Variants in PCYT1B observed in about 807,000 individuals in gnomAD.
PCYT1B encodes the protein phosphate cytidylyltransferase 1B, choline.
Under a neutral mutation model 26.4 loss-of-function variants are expected in PCYT1B, and 10 were observed. The ratio of observed to expected loss-of-function variants is 0.38; its 90% CI spans 0.23 to 0.64. PCYT1B has a LOEUF of 0.64. Ranked by LOEUF, PCYT1B falls within the 30% of genes least tolerant of loss-of-function variation. The probability of loss-of-function intolerance (pLI) is 0.56; values close to 1 mark genes in which losing one functional copy is unlikely to be tolerated. For missense variants in PCYT1B, 161 were observed against 292.7 expected (o/e 0.55, Z 3.28); for synonymous variants, 131 against 108.4 (o/e 1.21, Z -1.29).
At chrX:24,562,689 T>C (rs1923470407) in intron 7 of PCYT1B, among the ~76,000 whole-genome samples, 184 bp from the exon 8 acceptor site, 1 of 108,883 alleles carries the variant, frequency 9.2e-6, no homozygotes, top group Non-Finnish European at 1.9e-5. Context: ...TATTCAGGGG[T>C]AGTGACAGAA....
rs189922073 is a variant in PCYT1B, at chrX:24,627,396, C to T, written c.118-8312G>A. ...TTGCCCAGGGTGGAGTGCAGTGGCG[C>T]GATCTCGGCTCACTACAACCTCCGC... is the stretch of plus-strand genomic sequence containing the variant. On this transcript the variant is annotated intron_variant, in intron 1 of 7. Coordinates refer to ENST00000379144, the MANE Select transcript of PCYT1B (RefSeq NM_004845.5). Among the ~76,000 whole-genome samples the T allele has an allele frequency of 4.5e-3, 505 of 111,224 alleles. 3 individuals are homozygous for T. Among genetic ancestry groups the T allele is most frequent in the African/African-American group, 0.011 (352 of 30,615 alleles).
Position 24,629,581 on chromosome X carries a change from A to C in PCYT1B, c.118-10497T>G, listed in dbSNP as rs868644726. The stretch of plus-strand genomic sequence containing the variant: ...TCTCAAAAAAAAAAAAAAAAAAAAA[A>C]AAAAAAAAACAACACGTATTTTCCA... On this transcript the variant is annotated intron_variant, in intron 1 of 7. Coordinates refer to ENST00000379144, the MANE Select transcript of PCYT1B (RefSeq NM_004845.5). Among the ~76,000 whole-genome samples, 609 of 99,818 alleles carry C rather than the reference A, an allele frequency of 6.1e-3. 12 individuals are homozygous for C. Among genetic ancestry groups the C allele is most frequent in the African/African-American group, 0.02 (574 of 28,130 alleles). The allele number at this position is 99,818 out of a possible 115,157, so 86.7% of individuals were successfully genotyped here. A position where few individuals can be genotyped will look rare whatever the true frequency, so the allele number is the denominator to read the frequency against.
intron 6 of PCYT1B, 25 bp downstream of exon 6, chrX:24,579,291 A>G (rs757818056): frequency 8.3e-7 from 1 of 1,203,287 alleles, no homozygotes; most frequent in Admixed American, 2.2e-5. Flanking sequence ...GGTGGTCTTC[A>G]GAGGGTTTGA....
chrX:24,601,605 A>G (rs909652999), intron 3 of PCYT1B, among the ~76,000 whole-genome samples: 2 of 111,827 alleles, frequency 1.8e-5, no homozygotes, highest in Admixed American at 1.9e-4. Context: ...AACAATAAGA[A>G]AAAAAACAGC....
chrX:24,602,310 G>C (rs1209110787), intron 3 of PCYT1B, among the ~76,000 whole-genome samples: 1 of 112,097 alleles, frequency 8.9e-6, no homozygotes, highest in East Asian at 2.8e-4. Flanking sequence ...ACACTAAAAA[G>C]AACAGTGGTT....
intron 1 of PCYT1B, among the ~76,000 whole-genome samples, chrX:24,632,076 G>A (rs896868808): frequency 1.8e-5 from 2 of 112,286 alleles, no homozygotes; most frequent in Non-Finnish European, 3.8e-5. Context: ...ACCCTGAACT[G>A]GAATAAGCTG....
At chrX:24,582,529 T>C (rs1010860693) in intron 5 of PCYT1B, among the ~76,000 whole-genome samples, 3 of 112,382 alleles carry the variant, frequency 2.7e-5, no homozygotes, top group Non-Finnish European at 5.6e-5. Flanking sequence ...CTTTTCAGAA[T>C]TGCGGCATTT....
chrX:24,625,833 G>C (rs1925866973), intron 1 of PCYT1B, among the ~76,000 whole-genome samples: 1 of 105,994 alleles, frequency 9.4e-6, no homozygotes, highest in African/African-American at 3.4e-5. Flanking sequence ...ATAGTTTAGG[G>C]ACAGGCGCGG....
intron 7 of PCYT1B, among the ~76,000 whole-genome samples, chrX:24,573,133 TACAC>T (rs768268080): frequency 0.4 from 36,851 of 92,827 alleles, 5,747 homozygotes; most frequent in Middle Eastern, 0.48. Flanking sequence ...TACACACACA[TACAC>T]ACACACACAC....
At position 24,647,266 on chromosome X, in the gene PCYT1B, C is replaced by T. The variant is rs1406882351; in HGVS notation, c.-161G>A. On this transcript the variant is annotated 5_prime_UTR_variant, in exon 1 of 8. Coordinates refer to ENST00000379144, the MANE Select transcript of PCYT1B (RefSeq NM_004845.5). ...TCCCTAGGGGAAGTAAAGAGGTTACCCCCCGCCCCTCTCTCTCTCTCTCTC... is the reference window on the plus strand; with the variant it reads ...TCCCTAGGGGAAGTAAAGAGGTTACTCCCCGCCCCTCTCTCTCTCTCTCTC... 7 of 1,029,739 alleles carry T rather than the reference C, an allele frequency of 6.8e-6. No individual in the cohort carries two copies. Among genetic ancestry groups the T allele is most frequent in the African/African-American group, 6.2e-5 (3 of 48,371 alleles). 84.9% of individuals were successfully genotyped at this position (1,029,739 alleles called of 1,213,427 possible). A position where few individuals can be genotyped will look rare whatever the true frequency, so the allele number is the denominator to read the frequency against.
rs756342863 is a variant in PCYT1B, at chrX:24,670,048, A to AAAAGAAAG, written c.63+2514_63+2521dup. ...ACAGAGTAAGACCTTGTCTCAAAAAAAAAGAAAGAAAGAAAGAAAGAAAGA... is the reference window on the plus strand; with the variant it reads ...ACAGAGTAAGACCTTGTCTCAAAAAAAAAGAAAGAAAGAAAGAAAGAAAGAAAGAAAGA... On this transcript the variant is annotated intron_variant, in intron 1 of 7. Coordinates refer to the PCYT1B transcript ENST00000379145. 4.4e-3 allele frequency among the ~76,000 whole-genome samples: 253 copies of AAAAGAAAG among 58,058 alleles called. 6 individuals are homozygous for AAAAGAAAG. Among genetic ancestry groups the AAAAGAAAG allele is most frequent in the Non-Finnish European group, 6.4e-3 (194 of 30,404 alleles). The allele number at this position is 58,058 out of a possible 115,157, so 50.4% of individuals were successfully genotyped here.
intron 1 of PCYT1B, among the ~76,000 whole-genome samples, chrX:24,638,769 A>G (rs1926378619): frequency 1.8e-5 from 2 of 111,795 alleles, no homozygotes; most frequent in Non-Finnish European, 3.8e-5. Flanking sequence ...GATGGACAAC[A>G]TTGATTAAGA....
chrX:24,611,057 T>A (rs1925293425), intron 2 of PCYT1B, among the ~76,000 whole-genome samples: 1 of 111,882 alleles, frequency 8.9e-6, no homozygotes, highest in Non-Finnish European at 1.9e-5. Flanking sequence ...ATACAGTGGT[T>A]ATGTTTAATA....
At chrX:24,579,195 AAAAAAG>A in intron 6 of PCYT1B, 115 bp downstream of exon 6, 1 of 602,449 alleles carries the variant, frequency 1.7e-6, no homozygotes, top group Non-Finnish European at 2.4e-6. Flanking sequence ...ACAAAAAAAA[AAAAAAG>A]AGAGAGAGAG....
intron 1 of PCYT1B, among the ~76,000 whole-genome samples, chrX:24,642,564 C>T (rs1926498837): frequency 8.9e-6 from 1 of 111,755 alleles, no homozygotes; most frequent in Admixed American, 9.6e-5. Flanking sequence ...ATGGAAGAAA[C>T]TAATTGATTG....
chrX:24,585,124 A>C (rs1001212495), intron 5 of PCYT1B, among the ~76,000 whole-genome samples: 1 of 110,719 alleles, frequency 9.0e-6, no homozygotes, highest in East Asian at 2.9e-4. Context: ...GGAGGAGTGC[A>C]GAGAGGGATT....
chrX:24,583,564 G>C (rs1357938333), intron 5 of PCYT1B, among the ~76,000 whole-genome samples: 1 of 112,371 alleles, frequency 8.9e-6, no homozygotes, highest in Non-Finnish European at 1.9e-5. Flanking sequence ...GATTGCTAGA[G>C]TTAGAAAAAT....
intron 3 of PCYT1B, among the ~76,000 whole-genome samples, chrX:24,607,320 A>G (rs1925170682): frequency 8.9e-6 from 1 of 112,792 alleles, no homozygotes; most frequent in Admixed American, 9.4e-5. Context: ...TGCAGGTCAC[A>G]CAAAAGAAAT....
upstream of PCYT1B, among the ~76,000 whole-genome samples, chrX:24,649,639 T>C (rs1032150905): frequency 4.5e-5 from 5 of 112,045 alleles, no homozygotes; most frequent in Non-Finnish European, 9.4e-5. Context: ...TTCTGATGTC[T>C]AGCTGAGTCC....
Sources: allele counts gnomAD v4.1 joint callset (sites outside exome capture counted in the v4.1 genomes callset), GRCh38; gene constraint gnomAD v4.1.1; transcripts MANE v1.5; gene names NCBI Gene and HGNC (gene_info 2026-07-23, HGNC 2026-07-21).